The following ZHX2 variants were observed in gnomAD, a reference collection of about 807,000 sequenced individuals.
The protein encoded by ZHX2 is zinc fingers and homeoboxes protein 2.
In ZHX2, 6 loss-of-function variants were observed where a neutral mutation model predicts 21.9. The observed-to-expected ratio is 0.27, with a 90% confidence interval of 0.15 to 0.54. ZHX2 has a LOEUF of 0.54. Ranked by LOEUF, ZHX2 falls within the 20% of genes least tolerant of loss-of-function variation. The probability of loss-of-function intolerance (pLI) is 0.95; values close to 1 mark genes in which losing one functional copy is unlikely to be tolerated. For missense variants in ZHX2, 908 were observed against 1,090.7 expected, an observed-to-expected ratio of 0.83 and a Z score of 2.36; for synonymous variants, 434 against 437.1, an observed-to-expected ratio of 0.99 and a Z score of 0.09.
At chr8:122,908,509 C>CT (rs908431841) in intron 2 of ZHX2, among the ~76,000 whole-genome samples, 2 of 152,214 alleles carry the variant, frequency 1.3e-5, no homozygotes, top group Non-Finnish European at 2.9e-5. Flanking sequence ...TGTGCCTGGC[C>CT]TAAAGTCCTT....
At chr8:122,793,072 C>T (rs1264542112) in intron 1 of ZHX2, among the ~76,000 whole-genome samples, 2 of 152,200 alleles carry the variant, frequency 1.3e-5, no homozygotes, top group African/African-American at 2.4e-5. Context: ...GCTGGACTTG[C>T]AGAGCCTGAA....
At chr8:122,858,415 G>A (rs1468165111) in intron 1 of ZHX2, among the ~76,000 whole-genome samples, 1 of 152,188 alleles carries the variant, frequency 6.6e-6, no homozygotes, top group Non-Finnish European at 1.5e-5. Flanking sequence ...CCCCCTTCTG[G>A]TGCCTGGCAC....
chr8:122,821,662 G>A (rs1818152053), intron 1 of ZHX2, among the ~76,000 whole-genome samples: 1 of 151,988 alleles, frequency 6.6e-6, no homozygotes, highest in African/African-American at 2.4e-5. Context: ...ATTAGAACTT[G>A]ACACACAGTG....
intron 1 of ZHX2, among the ~76,000 whole-genome samples, chr8:122,811,170 A>G (rs1757971512): frequency 6.6e-6 from 1 of 152,102 alleles, no homozygotes; most frequent in African/African-American, 2.4e-5. Context: ...GCCTGAGCTC[A>G]GGAGTTCGAG....
At position 122,782,512 on chromosome 8, in the gene ZHX2, C is replaced by A. The variant is rs1817309097; in HGVS notation, c.-283+566C>A. Among the ~76,000 whole-genome samples, 2 of 152,080 alleles carry A rather than the reference C, an allele frequency of 1.3e-5. No individual in the cohort carries two copies. Among genetic ancestry groups the A allele is most frequent in the Non-Finnish European group, 2.9e-5 (2 of 67,984 alleles). On this transcript the variant is annotated intron_variant, in intron 1 of 3. Coordinates refer to ENST00000314393, the MANE Select transcript of ZHX2 (RefSeq NM_014943.5). The surrounding 1 kb of genome is among the most constrained non-coding windows in gnomAD (Gnocchi z 5.3). ...CTGCGTGTGTCTGCTCCCCTCCCTC[C>A]CCCTCTCCCCTCGCTCCCCTCTCCC...
intron 1 of ZHX2, among the ~76,000 whole-genome samples, chr8:122,834,153 C>T (rs1010717115): frequency 6.6e-6 from 1 of 152,118 alleles, no homozygotes; most frequent in Non-Finnish European, 1.5e-5. Context: ...GTAGGTTGCC[C>T]GGTATTAATT....
intron 2 of ZHX2, among the ~76,000 whole-genome samples, chr8:122,902,599 T>C (rs1442964495): frequency 6.6e-6 from 1 of 152,190 alleles, no homozygotes; most frequent in African/African-American, 2.4e-5. Context: ...AGACTTGGGT[T>C]CAAATCCCAG....
chr8:122,878,883 C>T (rs1185680420), intron 2 of ZHX2, among the ~76,000 whole-genome samples: 1 of 152,152 alleles, frequency 6.6e-6, no homozygotes, highest in Non-Finnish European at 1.5e-5. Flanking sequence ...AACTTGACCT[C>T]AAAGTGAGAC....
intron 2 of ZHX2, among the ~76,000 whole-genome samples, chr8:122,874,284 A>G (rs1195488060): frequency 6.6e-6 from 1 of 152,136 alleles, no homozygotes; most frequent in Non-Finnish European, 1.5e-5. Flanking sequence ...CATTGTTACA[A>G]TCATCAGTTC....
At chr8:122,897,881 T>C (rs2129915046) in intron 2 of ZHX2, among the ~76,000 whole-genome samples, 1 of 152,264 alleles carries the variant, frequency 6.6e-6, no homozygotes, top group East Asian at 1.9e-4. Context: ...CCAGATGTGG[T>C]GGCCTAGATC....
chr8:122,892,716 G>T (rs1165524890), intron 2 of ZHX2, among the ~76,000 whole-genome samples: 1 of 151,810 alleles, frequency 6.6e-6, no homozygotes, highest in Non-Finnish European at 1.5e-5. Flanking sequence ...ACAGAGTCTC[G>T]CACTGTCGCC....
chr8:122,909,826 C>A (rs1410985523), intron 2 of ZHX2, among the ~76,000 whole-genome samples: 1 of 152,228 alleles, frequency 6.6e-6, no homozygotes, highest in Non-Finnish European at 1.5e-5. Context: ...ATCTTGCAGC[C>A]TGCAGCCAGG....
At chr8:122,944,222 G>A (rs575709349) in intron 2 of ZHX2, among the ~76,000 whole-genome samples, 1 of 152,170 alleles carries the variant, frequency 6.6e-6, no homozygotes, top group Admixed American at 6.5e-5. Flanking sequence ...TGAACTAGCT[G>A]TGTGACCTTA....
chr8:122,891,948 G>A (rs1819990552), intron 2 of ZHX2, among the ~76,000 whole-genome samples: 1 of 152,188 alleles, frequency 6.6e-6, no homozygotes, highest in Admixed American at 6.5e-5. Flanking sequence ...TTAGTCTATA[G>A]TGTAGTTTAA....
At chr8:122,805,674 C>T (rs760220350) in intron 1 of ZHX2, among the ~76,000 whole-genome samples, 2 of 152,166 alleles carry the variant, frequency 1.3e-5, no homozygotes, top group Admixed American at 1.3e-4. Flanking sequence ...AGCTGGCTGT[C>T]GTGGGTAGAT....
At chr8:122,875,181 A>T (rs1363071513) in intron 2 of ZHX2, among the ~76,000 whole-genome samples, 671 of 34,202 alleles carry the variant, frequency 0.02, 43 homozygotes, top group Non-Finnish European at 0.028. Flanking sequence ...ATATATATAT[A>T]TATATATATA....
At position 122,951,630 on chromosome 8, in the gene ZHX2, T is replaced by A. The variant is rs765953023; in HGVS notation, c.120T>A (p.Pro40=). 1.4e-5 allele frequency: 23 copies of A among 1,613,866 alleles called. No individual in the cohort carries two copies. The Admixed American group carries it at 2.3e-4, about 16-fold the overall frequency. The change falls in exon 3 of 4, where the codon CCT becomes CCA. Residue 40 remains proline (P), a synonymous_variant. Coordinates refer to ENST00000314393, the MANE Select transcript of ZHX2 (RefSeq NM_014943.5). ...AGAAAGGAATCGGCACACCACAGCC[T>A]GACGTGGCCAAGGACAGTTGGGCAG... The part of the protein sequence containing the change: ...AKEKGIGTPQ[P]DVAKDSWAAE...
intron 3 of ZHX2, among the ~76,000 whole-genome samples, chr8:122,956,057 C>T (rs1813292741): frequency 1.3e-5 from 2 of 152,098 alleles, no homozygotes; most frequent in Admixed American, 1.3e-4. Flanking sequence ...GTTGGCCAGG[C>T]TGATCTCAAA....
At chr8:122,841,718 C>G (rs1258375291) in intron 1 of ZHX2, among the ~76,000 whole-genome samples, 1 of 152,198 alleles carries the variant, frequency 6.6e-6, no homozygotes, top group Non-Finnish European at 1.5e-5. Context: ...TCCCTTTCCT[C>G]CCAAGCCCCT....
Sources: gnomAD v4.1 joint callset for allele counts (sites outside exome capture counted in the v4.1 genomes callset) on GRCh38, gnomAD v4.1.1 for gene constraint, Gnocchi (gnomAD v3.1) non-coding constraint, MANE v1.5 for transcripts, NCBI Gene and HGNC (gene_info 2026-07-23, HGNC 2026-07-21) for gene names.